Variants in ADGRV1 observed in about 807,000 individuals in gnomAD.
The protein encoded by ADGRV1 is G-protein coupled receptor 98.
In ADGRV1, 359 loss-of-function variants were observed where a neutral mutation model predicts 596.2. The ratio of observed to expected loss-of-function variants is 0.60; its 90% CI spans 0.55 to 0.66. ADGRV1 has a LOEUF of 0.66. Among genes scored for constraint, ADGRV1 ranks in the 30% least tolerant of loss-of-function variants. The probability of loss-of-function intolerance (pLI) is 0.00; values close to 1 mark genes in which losing one functional copy is unlikely to be tolerated. For synonymous variants in ADGRV1, 2,681 were observed against 2,679.2 expected (o/e 1.00, Z -0.02); for missense variants, 7,274 against 7,575.6 (o/e 0.96, Z 1.48).
intron 83 of ADGRV1, among the ~76,000 whole-genome samples, chr5:90,893,911 T>C (rs1376257199): frequency 6.6e-6 from 1 of 152,206 alleles, no homozygotes; most frequent in Non-Finnish European, 1.5e-5. Flanking sequence ...TAGGTGTAAA[T>C]GTATCTTAAC....
At position 90,834,831 on chromosome 5, in the gene ADGRV1, TA is replaced by T. The variant is rs1348779689; in HGVS notation, c.16611+5646del. ...AGATCTTGTATGCATGTTTCATTTTTATTCTTTTTTCTTTTGTTTCCTCTGC... is the reference window on the plus strand; with the variant it reads ...AGATCTTGTATGCATGTTTCATTTTTTTCTTTTTTCTTTTGTTTCCTCTGC... On this transcript the variant is annotated intron_variant, in intron 77 of 89. Transcript: ENST00000405460. 4.6e-5 allele frequency among the ~76,000 whole-genome samples: 7 copies of T among 152,096 alleles called. No homozygotes were observed. The East Asian group carries it at 1.4e-3, about 29-fold the overall frequency.
intron 85 of ADGRV1, among the ~76,000 whole-genome samples, chr5:91,000,393 C>T (rs570357328): frequency 5.4e-4 from 82 of 152,152 alleles, no homozygotes; most frequent in African/African-American, 1.9e-3. Flanking sequence ...TGTATTTCTA[C>T]TTCACAGATC....
rs748874938 is a variant in ADGRV1 at position 90,712,435 on chromosome 5, A to C, written c.9184+7A>C. On this transcript the variant is annotated splice_region_variant and intron_variant, in intron 42 of 89. Coordinates refer to ENST00000405460, the MANE Select transcript of ADGRV1 (RefSeq NM_032119.4). ...CTAGGGAAAAATACAATAGGTAATTAATAATTTCTTATAAACAGCTTCCTC... is the reference window on the plus strand; with the variant it reads ...CTAGGGAAAAATACAATAGGTAATTCATAATTTCTTATAAACAGCTTCCTC... 6.3e-7 allele frequency: 1 copy of C among 1,574,852 alleles called. No individual in the cohort carries two copies. Among genetic ancestry groups the C allele is most frequent in the Non-Finnish European group, 8.6e-7 (1 of 1,156,350 alleles).
chr5:90,921,254 G>A lies in ADGRV1; in HGVS notation c.17857-44161G>A, dbSNP rs185595355. ...AAATAATATCACACTGTGTGAATGG[G>A]TGTGTTTTTTAGCACCTATTTTTTG... On this transcript the variant is annotated intron_variant, in intron 83 of 89. Transcript: ENST00000405460. 1.8e-4 allele frequency among the ~76,000 whole-genome samples: 27 copies of A among 152,232 alleles called. 1 individual carries two copies. Among genetic ancestry groups the A allele is most frequent in the Middle Eastern group, 6.8e-3 (2 of 294 alleles).
intron 1 of ADGRV1, among the ~76,000 whole-genome samples, chr5:90,563,272 T>C (rs12188935): frequency 0.044 from 6,758 of 152,334 alleles, 200 homozygotes; most frequent in South Asian, 0.093. Context: ...TTTGGTTACA[T>C]GCAACGAAGT....
chr5:90,735,358 A>T (rs193106785), intron 50 of ADGRV1, among the ~76,000 whole-genome samples: 2 of 152,124 alleles, frequency 1.3e-5, no homozygotes, highest in African/African-American at 4.8e-5. Context: ...TTTCTATCCT[A>T]TCCCATTTGA....
intron 86 of ADGRV1, among the ~76,000 whole-genome samples, chr5:91,079,022 AT>A (rs1489429872): frequency 2.0e-5 from 3 of 152,182 alleles, no homozygotes; most frequent in Non-Finnish European, 4.4e-5. Context: ...GGAAAACATG[AT>A]ATGATTTTTT....
At chr5:90,986,080 A>G (rs1368510913) in intron 85 of ADGRV1, among the ~76,000 whole-genome samples, 3 of 95,518 alleles carry the variant, frequency 3.1e-5, no homozygotes, top group Non-Finnish European at 4.1e-5. Context: ...ATGCACATAT[A>G]TATGCATAAT....
At chr5:90,811,598 A>C (rs1386367504) in intron 74 of ADGRV1, among the ~76,000 whole-genome samples, 2 of 152,166 alleles carry the variant, frequency 1.3e-5, no homozygotes, top group Non-Finnish European at 2.9e-5. Flanking sequence ...ATACTCTCAC[A>C]ATATAAATAA....
chr5:91,162,423 T>C (rs1797032301), intron 89 of ADGRV1, among the ~76,000 whole-genome samples: 1 of 152,006 alleles, frequency 6.6e-6, no homozygotes, highest in Admixed American at 6.5e-5. Flanking sequence ...CATAAGAACG[T>C]CGTGTGAAAA....
rs1041073642 is a variant in ADGRV1 at position 90,896,553 on chromosome 5, G to A, written c.17856+32696G>A. Among the ~76,000 whole-genome samples, 5 of 152,014 alleles carry A rather than the reference G, an allele frequency of 3.3e-5. No homozygotes were observed. The South Asian group carries it at 8.3e-4, about 25-fold the overall frequency. On this transcript the variant is annotated intron_variant, in intron 83 of 89. Transcript: ENST00000405460. ...GCCTCCCAAAGTGCTGGAACTATAG[G>A]TGTGAGCCACTGCACCTGGCTGATT...
At chr5:90,817,695 C>G (rs1414545766) in intron 75 of ADGRV1, among the ~76,000 whole-genome samples, 10 of 151,984 alleles carry the variant, frequency 6.6e-5, no homozygotes, top group Non-Finnish European at 1.3e-4. Flanking sequence ...GCTTGTTTTT[C>G]TCAGGTTTGT....
At chr5:90,939,337 C>G (rs1775977275) in intron 83 of ADGRV1, among the ~76,000 whole-genome samples, 1 of 152,154 alleles carries the variant, frequency 6.6e-6, no homozygotes, top group Non-Finnish European at 1.5e-5. Context: ...CTGACTTACA[C>G]ATTTTGTTCT....
intron 16 of ADGRV1, among the ~76,000 whole-genome samples, chr5:90,646,525 A>G (rs1169249304): frequency 6.6e-6 from 1 of 152,054 alleles, no homozygotes; most frequent in Non-Finnish European, 1.5e-5. Context: ...GGATGGCCAT[A>G]CACTATAATA....
intron 83 of ADGRV1, among the ~76,000 whole-genome samples, chr5:90,906,953 A>G (rs1025693886): frequency 2.6e-5 from 4 of 152,304 alleles, no homozygotes; most frequent in Admixed American, 2.6e-4. Context: ...TTGGAGATGC[A>G]CATCTAAACC....
intron 38 of ADGRV1, 89 bp from the exon 39 acceptor site, chr5:90,708,727 A>G: frequency 1.3e-6 from 1 of 788,856 alleles, no homozygotes; most frequent in African/African-American, 1.7e-5. Flanking sequence ...TCTGTATACT[A>G]ATTATACAGT....
At chr5:91,011,033 G>C (rs867807707) in intron 85 of ADGRV1, among the ~76,000 whole-genome samples, 10 of 152,008 alleles carry the variant, frequency 6.6e-5, no homozygotes, top group Middle Eastern at 3.4e-3. Flanking sequence ...AAAAAATATG[G>C]AACAATATAC....
intron 63 of ADGRV1, 113 bp downstream of exon 63, chr5:90,778,722 A>C: frequency 1.9e-6 from 2 of 1,062,434 alleles, no homozygotes; most frequent in Non-Finnish European, 2.6e-6. Context: ...TCCAAACATC[A>C]TTATTTTAAC....
intron 83 of ADGRV1, among the ~76,000 whole-genome samples, chr5:90,933,295 A>C (rs1235868167): frequency 6.6e-6 from 1 of 152,192 alleles, no homozygotes; most frequent in Non-Finnish European, 1.5e-5. Context: ...TAATGTTGTA[A>C]AAGGATTAAG....
Sources: allele counts gnomAD v4.1 joint callset (sites outside exome capture counted in the v4.1 genomes callset), GRCh38; gene constraint gnomAD v4.1.1; transcripts MANE v1.5; gene names NCBI Gene and HGNC (gene_info 2026-07-23, HGNC 2026-07-21).